DCPS: variants seen among roughly 807,000 people sequenced by gnomAD.
The protein encoded by DCPS is decapping enzyme, scavenger, also known as m7GpppX diphosphatase.
In DCPS, 27 loss-of-function variants were observed where a neutral mutation model predicts 34.7. The ratio of observed to expected loss-of-function variants is 0.78; its 90% CI spans 0.57 to 1.07. DCPS has a LOEUF of 1.07. DCPS is among the 50% of genes least tolerant of loss of function. DCPS has a pLI of 0.00. For missense variants in DCPS, 464 were observed against 436.9 expected (o/e 1.06, Z -0.55); for synonymous variants, 185 against 185.7 (o/e 1.00, Z 0.03).
In DCPS at chr11:126,343,359, T is replaced by TA; in HGVS notation, c.690dup (p.Arg231ThrfsTer70). On this transcript the variant is annotated frameshift_variant, in exon 5 of 6. Transcript: ENST00000263579. LOFTEE classifies it high-confidence loss of function. Reference sequence around the variant, plus strand: ...TGCCATCGCCGGGGCATCAGATCCCTACGCGACCTTACTCCGGAGCACTTG... The same window carrying TA: ...TGCCATCGCCGGGGCATCAGATCCCTAACGCGACCTTACTCCGGAGCACTTG... The TA allele has an allele frequency of 6.2e-7, 1 of 1,614,072 alleles. No individual in the cohort carries two copies.
rs760346365 is a variant in DCPS, at chr11:126,338,856, C to T, written c.636+457C>T. Among the ~76,000 whole-genome samples, 8 of 152,196 alleles carry T rather than the reference C, an allele frequency of 5.3e-5. No individual in the cohort carries two copies. Among genetic ancestry groups the T allele is most frequent in the Non-Finnish European group, 1.0e-4 (7 of 68,034 alleles). On this transcript the variant is annotated intron_variant, in intron 4 of 5. Transcript: ENST00000263579. The surrounding 1 kb of genome is among the most constrained non-coding windows in gnomAD (Gnocchi z 5.4). ...CAAGGCATCTCCTCCTCAGCCCGAG[C>T]TGTGGAGTAGCTTAGCCCAGACTTC...
chr11:126,329,578 C>T lies in DCPS; in HGVS notation c.377-1827C>T, dbSNP rs1951766158. ...AAGCCACGTGCCTGGTATGTCATCT[C>T]TGTGCATCCCCACTGGGACTTGGAA... On this transcript the variant is annotated intron_variant, in intron 2 of 5. Coordinates refer to ENST00000263579, the MANE Select transcript of DCPS (RefSeq NM_014026.6). The surrounding 1 kb of genome is among the most constrained non-coding windows in gnomAD (Gnocchi z 5.0). Among the ~76,000 whole-genome samples the T allele has an allele frequency of 6.6e-6, 1 of 152,182 alleles. No individual in the cohort carries two copies. The highest frequency in any genetic ancestry group is 1.5e-5 in the Non-Finnish European group (1 of 68,044).
rs1001864670 is a variant in DCPS at position 126,343,528 on chromosome 11, C to G, written c.747+111C>G. ...CCCAGAGTCCATCTTGGAGAGACTT[C>G]TCTCTGGATGCCAGTCTTGGGGACC... On this transcript the variant is annotated intron_variant, in intron 5 of 5. Coordinates refer to ENST00000263579, the MANE Select transcript of DCPS (RefSeq NM_014026.6). 32 of 921,968 alleles carry G rather than the reference C, an allele frequency of 3.5e-5. No homozygotes were observed. The African/African-American group carries it at 5.1e-4, about 15-fold the overall frequency. The allele number at this position is 921,968 out of a possible 1,614,324, so 57.1% of individuals were successfully genotyped here.
In DCPS at chr11:126,305,946, C is replaced by T. The variant is rs1951561467; in HGVS notation, c.202-624C>T. 2.0e-5 allele frequency among the ~76,000 whole-genome samples: 3 copies of T among 152,106 alleles called. No homozygotes were observed. In the South Asian group the frequency reaches 6.2e-4, roughly 31 times the overall value. On this transcript the variant is annotated intron_variant, in intron 1 of 5. Transcript: ENST00000263579. ...TTCATGTGACCTTGGGCAAGTCACT[C>T]AAGGTCTGTTTTTCATCTTCTGAAA... is the stretch of plus-strand genomic sequence containing the variant.
chr11:126,309,483 G>A (rs1246226625), intron 2 of DCPS, among the ~76,000 whole-genome samples: 4 of 152,148 alleles, frequency 2.6e-5, no homozygotes, highest in Admixed American at 6.5e-5. Context: ...TAAATGCTAT[G>A]TAAATAGTTA....
rs1951715136 is a variant in DCPS at position 126,322,486 on chromosome 11, A to G, written c.377-8919A>G. Among the ~76,000 whole-genome samples, 2 of 150,670 alleles carry G rather than the reference A, an allele frequency of 1.3e-5. No individual in the cohort carries two copies. Among genetic ancestry groups the G allele is most frequent in the African/African-American group, 4.9e-5 (2 of 40,840 alleles). ...GCCATGTTGGCCAAGTTGGTCTTGA[A>G]CTCCTGACCTCAGGTGATCTGCCTG... On this transcript the variant is annotated intron_variant, in intron 2 of 5. Transcript: ENST00000263579. The surrounding 1 kb of genome is among the most constrained non-coding windows in gnomAD (Gnocchi z 4.2).
At position 126,318,319 on chromosome 11, in the gene DCPS, C is replaced by G. The variant is rs142937340; in HGVS notation, c.376+11575C>G. 2.8e-4 allele frequency among the ~76,000 whole-genome samples: 43 copies of G among 152,316 alleles called. No homozygotes were observed. The East Asian group carries it at 7.5e-3, about 27-fold the overall frequency. On this transcript the variant is annotated intron_variant, in intron 2 of 5. Coordinates refer to ENST00000263579, the MANE Select transcript of DCPS (RefSeq NM_014026.6). ...GAGGTCTCTTCGGGCTTCACTTGAGCACTTTCAGTATTTCTGTAATGTAGG... is the reference window on the plus strand; with the variant it reads ...GAGGTCTCTTCGGGCTTCACTTGAGGACTTTCAGTATTTCTGTAATGTAGG...
Position 126,337,206 on chromosome 11 carries a change from A to G in DCPS, c.523-1080A>G, listed in dbSNP as rs1399105763. On this transcript the variant is annotated intron_variant, in intron 3 of 5. Coordinates refer to ENST00000263579, the MANE Select transcript of DCPS (RefSeq NM_014026.6). This position sits in a 1 kb window ranked among gnomAD's most constrained non-coding sequence, Gnocchi z 5.3. ...TCGTGTCCATGGCTCCTTCTCCTAC[A>G]TCAGTGAGCTCGGAGACCATTCTGA... is the stretch of plus-strand genomic sequence containing the variant. 6 of 152,144 alleles carry G rather than the reference A, an allele frequency of 3.9e-5. No homozygotes were observed. Among genetic ancestry groups the G allele is most frequent in the Non-Finnish European group, 5.9e-5 (4 of 68,038 alleles). 9.4% of individuals were successfully genotyped at this position (152,144 alleles called of 1,614,324 possible).
At position 126,331,362 on chromosome 11, in the gene DCPS, T is replaced by A; in HGVS notation, c.377-43T>A. The A allele has an allele frequency of 6.2e-7, 1 of 1,606,932 alleles. No individual in the cohort carries two copies. The highest frequency in any genetic ancestry group is 8.5e-7 in the Non-Finnish European group (1 of 1,176,040). On this transcript the variant is annotated intron_variant, in intron 2 of 5. Coordinates refer to ENST00000263579, the MANE Select transcript of DCPS (RefSeq NM_014026.6). This position sits in a 1 kb window ranked among gnomAD's most constrained non-coding sequence, Gnocchi z 7.2. Reference sequence around the variant, plus strand: ...ACCGTGGTGCCTGTGGCATAGAGAGTGGGCATTGCTTCCCTGTCACGGGCT... The same window carrying A: ...ACCGTGGTGCCTGTGGCATAGAGAGAGGGCATTGCTTCCCTGTCACGGGCT...
chr11:126,313,775 T>G lies in DCPS; in HGVS notation c.376+7031T>G, dbSNP rs2135313378. ...GTTAAAATTTCTGGTTATATTCTGTTTCTTGGATTGTGTGTTCTGAGCATA... is the reference window on the plus strand; with the variant it reads ...GTTAAAATTTCTGGTTATATTCTGTGTCTTGGATTGTGTGTTCTGAGCATA... On this transcript the variant is annotated intron_variant, in intron 2 of 5. Coordinates refer to ENST00000263579, the MANE Select transcript of DCPS (RefSeq NM_014026.6). This position sits in a 1 kb window ranked among gnomAD's most constrained non-coding sequence, Gnocchi z 4.9. 6.6e-6 allele frequency among the ~76,000 whole-genome samples: 1 copy of G among 152,348 alleles called. No individual in the cohort carries two copies. Among genetic ancestry groups the G allele is most frequent in the South Asian group, 2.1e-4 (1 of 4,832 alleles).
In DCPS at chr11:126,345,929, G is replaced by T. The variant is rs1382315549; in HGVS notation, c.*316G>T. On this transcript the variant is annotated 3_prime_UTR_variant, in exon 6 of 6. Transcript: ENST00000263579. This position sits in a 1 kb window ranked among gnomAD's most constrained non-coding sequence, Gnocchi z 7.4. ...CTCCAAGCCCCAGGGCTCACCGTCC[G>T]TGGTGGCTTCCTTCTCCCCACTCTG... Among the ~76,000 whole-genome samples the T allele has an allele frequency of 6.6e-6, 1 of 152,196 alleles. No individual in the cohort carries two copies. The highest frequency in any genetic ancestry group is 2.1e-4 in the South Asian group (1 of 4,826).
chr11:126,347,364 C>T lies in DCPS; in HGVS notation c.*1751C>T, dbSNP rs1266296906. On this transcript the variant is annotated 3_prime_UTR_variant, in exon 6 of 6. Coordinates refer to ENST00000263579, the MANE Select transcript of DCPS (RefSeq NM_014026.6). This position sits in a 1 kb window ranked among gnomAD's most constrained non-coding sequence, Gnocchi z 4.2. The stretch of plus-strand genomic sequence containing the variant: ...TCAGCCTCCTGAGTAGCTGGGACTA[C>T]AGGGGTGCGCCCCCATGCCCAGCTA... 1.3e-5 allele frequency among the ~76,000 whole-genome samples: 2 copies of T among 151,914 alleles called. No individual in the cohort carries two copies. Among genetic ancestry groups the T allele is most frequent in the African/African-American group, 2.4e-5 (1 of 41,392 alleles).
At chr11:126,324,160 T>G (rs1348376325) in intron 2 of DCPS, among the ~76,000 whole-genome samples, 1 of 152,148 alleles carries the variant, frequency 6.6e-6, no homozygotes, top group Non-Finnish European at 1.5e-5. Context: ...AGTTATTGTA[T>G]TCACATAACA....
intron 2 of DCPS, among the ~76,000 whole-genome samples, chr11:126,308,495 T>G (rs1170755750): frequency 1.3e-5 from 2 of 152,196 alleles, no homozygotes; most frequent in Non-Finnish European, 2.9e-5. Context: ...AGCCTTGTCT[T>G]CCATTGAGCA....
chr11:126,332,064 G>A lies in DCPS; in HGVS notation c.522+514G>A, dbSNP rs1951797892. ...TGGGTCCATGAATGGGTAAAAGGCT[G>A]ATGTTGAGTGAGTCCCACCCTGTCC... is the stretch of plus-strand genomic sequence containing the variant. On this transcript the variant is annotated intron_variant, in intron 3 of 5. Transcript: ENST00000263579. This position sits in a 1 kb window ranked among gnomAD's most constrained non-coding sequence, Gnocchi z 5.4. 6.6e-6 allele frequency among the ~76,000 whole-genome samples: 1 copy of A among 152,194 alleles called. No homozygotes were observed. Among genetic ancestry groups the A allele is most frequent in the African/African-American group, 2.4e-5 (1 of 41,440 alleles).
At chr11:126,308,085 G>A (rs1292024115) in intron 2 of DCPS, among the ~76,000 whole-genome samples, 1 of 152,178 alleles carries the variant, frequency 6.6e-6, no homozygotes, top group Non-Finnish European at 1.5e-5. Context: ...TGGGTTAAAA[G>A]GCAGAGATTT....
At chr11:126,326,956 T>G (rs1420813872) in intron 2 of DCPS, among the ~76,000 whole-genome samples, 2 of 151,872 alleles carry the variant, frequency 1.3e-5, no homozygotes, top group African/African-American at 2.4e-5. Context: ...ATAAAAGGAC[T>G]TCACCTGTTA....
rs948052899 is a variant in DCPS, at chr11:126,335,654, C to T, written c.523-2632C>T. ...CTGTAAAATGGGGACAATGTCCAGG[C>T]GCGGTGGCTTATGCCTGTAATCCCA... On this transcript the variant is annotated intron_variant, in intron 3 of 5. Transcript: ENST00000263579. The surrounding 1 kb of genome is among the most constrained non-coding windows in gnomAD (Gnocchi z 4.8). Among the ~76,000 whole-genome samples, 9 of 152,142 alleles carry T rather than the reference C, an allele frequency of 5.9e-5. No homozygotes were observed. The highest frequency in any genetic ancestry group is 1.9e-4 in the East Asian group (1 of 5,190).
chr11:126,326,627 A>G (rs1187862596), intron 2 of DCPS, among the ~76,000 whole-genome samples: 1 of 152,218 alleles, frequency 6.6e-6, no homozygotes, highest in Non-Finnish European at 1.5e-5. Context: ...GAACTCCCTT[A>G]TAAAAGGACT....
Sources: gnomAD v4.1 joint callset for allele counts (sites outside exome capture counted in the v4.1 genomes callset) on GRCh38, gnomAD v4.1.1 for gene constraint, Gnocchi (gnomAD v3.1) non-coding constraint, MANE v1.5 for transcripts, NCBI Gene and HGNC (gene_info 2026-07-23, HGNC 2026-07-21) for gene names.